Variants in DDX31 observed in about 807,000 individuals in gnomAD.
DDX31 encodes ATP-dependent DNA helicase DDX31.
DDX31 carries 70 observed loss-of-function variants against 91.3 expected under a neutral mutation model. The observed-to-expected ratio is 0.77, with a 90% CI of 0.63 to 0.94. DDX31 has a LOEUF of 0.94. DDX31 is among the 40% of genes least tolerant of loss of function. DDX31 has a pLI of 0.00. For missense variants in DDX31, 902 were observed against 925.0 expected (o/e 0.98, Z 0.32); for synonymous variants, 362 against 350.6 (o/e 1.03, Z -0.36).
chr9:132,662,014 A>C (rs909278151), intron 3 of DDX31, among the ~76,000 whole-genome samples: 1 of 152,166 alleles, frequency 6.6e-6, no homozygotes, highest in South Asian at 2.1e-4. Context: ...TACTTAAAAA[A>C]ACACACACAC....
At chr9:132,655,037 G>T (rs529761623) in intron 6 of DDX31, among the ~76,000 whole-genome samples, 1 of 151,876 alleles carries the variant, frequency 6.6e-6, no homozygotes, top group South Asian at 2.1e-4. Flanking sequence ...CACCGCTGCT[G>T]GAGTGCACAC....
intron 14 of DDX31, among the ~76,000 whole-genome samples, chr9:132,638,796 T>G (rs1301614140): frequency 1.3e-5 from 2 of 151,894 alleles, no homozygotes; most frequent in African/African-American, 4.8e-5. Context: ...GAAAATGGGG[T>G]GGGGGACTTT....
intron 17 of DDX31, among the ~76,000 whole-genome samples, chr9:132,620,870 T>C (rs942881626): frequency 2.2e-4 from 34 of 152,218 alleles, no homozygotes; most frequent in Admixed American, 2.2e-3. Context: ...TACTGGTTAA[T>C]GAAGCTAACT....
At position 132,601,452 on chromosome 9, in the gene DDX31, G is replaced by A. The variant is rs377326991; in HGVS notation, c.1995-6340C>T. ...GCCATCATGGGCAGTTTCCTCCTCT[G>A]TAAAACAGGGATAACATCATGATTG... On this transcript the variant is annotated intron_variant, in intron 19 of 19. Transcript: ENST00000372159. Among the ~76,000 whole-genome samples the A allele has an allele frequency of 5.3e-4, 81 of 152,308 alleles. 1 individual carries two copies. The South Asian group carries it at 0.016, about 31-fold the overall frequency.
Position 132,644,173 on chromosome 9 carries a change from T to A in DDX31, c.1380+1722A>T, listed in dbSNP as rs186788906. ...AACACAGGGATACTATAACCTCCTGTCTTCCACTGCAAAGGCTAAATACTA... is the reference window on the plus strand; with the variant it reads ...AACACAGGGATACTATAACCTCCTGACTTCCACTGCAAAGGCTAAATACTA... On this transcript the variant is annotated intron_variant, in intron 13 of 19. Coordinates refer to ENST00000372159, the MANE Select transcript of DDX31 (RefSeq NM_022779.9). Among the ~76,000 whole-genome samples, 188 of 152,296 alleles carry A rather than the reference T, an allele frequency of 1.2e-3. 1 individual carries two copies. Among genetic ancestry groups the A allele is most frequent in the Middle Eastern group, 3.4e-3 (1 of 294 alleles).
At chr9:132,619,665 TCA>T (rs569638689) in intron 17 of DDX31, among the ~76,000 whole-genome samples, 64 of 152,326 alleles carry the variant, frequency 4.2e-4, no homozygotes, top group Non-Finnish European at 8.7e-4. Flanking sequence ...CTCGCTGATT[TCA>T]CAGTTCAATA....
intron 6 of DDX31, among the ~76,000 whole-genome samples, chr9:132,657,770 C>T (rs116305399): frequency 0.011 from 1,722 of 152,256 alleles, 30 homozygotes; most frequent in African/African-American, 0.039. Flanking sequence ...CCTGGGCTGG[C>T]GTTTGAGATG....
In DDX31 at chr9:132,594,862, G is replaced by A. The variant is rs1312657704; in HGVS notation, c.*4C>T. 6.2e-7 allele frequency: 1 copy of A among 1,612,378 alleles called. No individual in the cohort carries two copies. The highest frequency in any genetic ancestry group is 1.7e-5 in the Admixed American group (1 of 60,010). On this transcript the variant is annotated 3_prime_UTR_variant, in exon 20 of 20. Coordinates refer to ENST00000372159, the MANE Select transcript of DDX31 (RefSeq NM_022779.9). ...CAGGTTCCACTCGAAGACCCAGAGA[G>A]ATTTTAAACTTTCTGGGAAGTCTTG...
intron 18 of DDX31, among the ~76,000 whole-genome samples, chr9:132,615,417 C>T (rs1831572768): frequency 6.6e-6 from 1 of 152,162 alleles, no homozygotes; most frequent in African/African-American, 2.4e-5. Flanking sequence ...TCAAGACCAC[C>T]CAACACCTAC....
chr9:132,625,987 A>C (rs1832368015), intron 16 of DDX31, among the ~76,000 whole-genome samples: 1 of 152,202 alleles, frequency 6.6e-6, no homozygotes, highest in South Asian at 2.1e-4. Flanking sequence ...AATAGGCTAC[A>C]TTTAGAATTT....
At chr9:132,599,710 A>G (rs567832005) in intron 19 of DDX31, among the ~76,000 whole-genome samples, 58 of 152,350 alleles carry the variant, frequency 3.8e-4, no homozygotes, top group African/African-American at 1.3e-3. Flanking sequence ...GGTGTAGTAC[A>G]ATTAAAACAT....
In DDX31 at chr9:132,594,513, G is replaced by C; in HGVS notation, c.*353C>G. 4.6e-6 allele frequency: 1 copy of C among 217,538 alleles called. No homozygotes were observed. Among genetic ancestry groups the C allele is most frequent in the Non-Finnish European group, 9.2e-6 (1 of 108,306 alleles). The allele number at this position is 217,538 out of a possible 1,614,324, so 13.5% of individuals were successfully genotyped here. Reference sequence around the variant, plus strand: ...GAACACAGTTAAGGGCAGCAATCAAGCCCGTTCCAGGCTGACGCGCAGGGC... The same window carrying C: ...GAACACAGTTAAGGGCAGCAATCAACCCCGTTCCAGGCTGACGCGCAGGGC... On this transcript the variant is annotated 3_prime_UTR_variant, in exon 20 of 20. Transcript: ENST00000372159.
rs1223156585 is a variant in DDX31, at chr9:132,650,317, CCA to C, written c.676-21_676-20del. 6 of 1,612,968 alleles carry C rather than the reference CCA, an allele frequency of 3.7e-6. No homozygotes were observed. The highest frequency in any genetic ancestry group is 2.2e-5 in the East Asian group (1 of 44,884). On this transcript the variant is annotated intron_variant, in intron 8 of 19. Coordinates refer to ENST00000372159, the MANE Select transcript of DDX31 (RefSeq NM_022779.9). ...TGAAAGGCTACAGAAAGACAGCAGA[CCA>C]CAGTCAGTGCAAAGCCCCCTTTACT...
intron 19 of DDX31, among the ~76,000 whole-genome samples, chr9:132,598,487 C>A (rs548228584): frequency 6.6e-6 from 1 of 152,172 alleles, no homozygotes; most frequent in Non-Finnish European, 1.5e-5. Context: ...ATAAACCCCC[C>A]CTCAGTTACC....
chr9:132,624,159 T>C (rs1241572829), intron 17 of DDX31, among the ~76,000 whole-genome samples: 23 of 97,372 alleles, frequency 2.4e-4, no homozygotes, highest in South Asian at 1.1e-3. Context: ...AGAGCGAGAC[T>C]CCGTCTCAAA....
At chr9:132,620,158 A>G (rs983296106) in intron 17 of DDX31, among the ~76,000 whole-genome samples, 1 of 152,038 alleles carries the variant, frequency 6.6e-6, no homozygotes, top group Non-Finnish European at 1.5e-5. Flanking sequence ...TGGTTATTGT[A>G]TACATTCTGT....
intron 17 of DDX31, among the ~76,000 whole-genome samples, chr9:132,618,908 T>C (rs1229450076): frequency 1.3e-5 from 2 of 152,228 alleles, no homozygotes; most frequent in Non-Finnish European, 2.9e-5. Context: ...CTTTTAAAAG[T>C]TACCCCATCC....
chr9:132,637,790 A>G (rs1359002817), intron 14 of DDX31: 2 of 982,762 alleles, frequency 2.0e-6, no homozygotes, highest in African/African-American at 1.7e-5. Flanking sequence ...ACAATCTCCA[A>G]ATGATCTTTC....
chr9:132,669,554 G>T (rs1179270337), intron 1 of DDX31: 4 of 1,444,694 alleles, frequency 2.8e-6, no homozygotes, highest in Non-Finnish European at 3.7e-6. Context: ...ACTTGCGCCG[G>T]AACTTCAGGT....
Sources: gnomAD v4.1 joint callset for allele counts (sites outside exome capture counted in the v4.1 genomes callset) on GRCh38, gnomAD v4.1.1 for gene constraint, MANE v1.5 for transcripts, NCBI Gene and HGNC (gene_info 2026-07-23, HGNC 2026-07-21) for gene names.